The following POTEC variants were observed in gnomAD, a reference collection of about 807,000 sequenced individuals.
POTEC encodes ANKRD26-like family B member 2.
In POTEC, 35 loss-of-function variants were observed where a neutral mutation model predicts 62.0. That is an observed-to-expected ratio of 0.56 (90% CI 0.43 to 0.75). POTEC has a LOEUF of 0.75. POTEC is among the 30% of genes least tolerant of loss of function. The pLI, the probability that POTEC is intolerant of heterozygous loss-of-function variation, is 0.00. For synonymous variants in POTEC, 156 were observed against 221.5 expected (o/e 0.70, Z 2.62); for missense variants, 472 against 655.9 (o/e 0.72, Z 3.06).
chr18:14,529,126 T>TA (rs1910513785), intron 6 of POTEC: 1 of 397,132 alleles, frequency 2.5e-6, no homozygotes, highest in African/African-American at 2.1e-5. Context: ...TCATCACATA[T>TA]GTCTGGCACA....
rs192798718 is a variant in POTEC at position 14,525,003 on chromosome 18, T to C, written c.1127-20A>G. On this transcript the variant is annotated intron_variant, in intron 6 of 10. Coordinates refer to ENST00000358970, the MANE Select transcript of POTEC (RefSeq NM_001137671.2). ...CTTGTTCTGTTGAGAAATCCATATA[T>C]TCAGTTAAGATGAACCACTTAGAAC... 1.2e-3 allele frequency: 1,950 copies of C among 1,599,832 alleles called. 31 individuals carry two copies. In the African/African-American group the frequency reaches 0.024, roughly 19 times the overall value.
At chr18:14,528,742 A>C in intron 6 of POTEC, 1 of 328,458 alleles carries the variant, frequency 3.0e-6, no homozygotes, top group Non-Finnish European at 5.9e-6. Flanking sequence ...AGTCCAAAGC[A>C]TTGTACCTGG....
chr18:14,532,770 ACT>A (rs1054500241), intron 5 of POTEC, among the ~76,000 whole-genome samples: 2 of 151,656 alleles, frequency 1.3e-5, no homozygotes, highest in Non-Finnish European at 2.9e-5. Flanking sequence ...AAGATGTGAT[ACT>A]CTTTTTTATC....
intron 1 of POTEC, among the ~76,000 whole-genome samples, chr18:14,539,949 A>T (rs1285328717): frequency 6.6e-6 from 1 of 152,120 alleles, no homozygotes. Flanking sequence ...GACTAAACGG[A>T]TTGAAAGAAT....
At position 14,542,931 on chromosome 18, in the gene POTEC, G is replaced by A. The variant is rs1182972237; in HGVS notation, c.216C>T (p.Cys72=). Reference sequence around the variant, plus strand: ...CCACGTTGCTCGTGCCGCTCCCCCTGCAGCAGGGGAAGCAGTGGTGGCAAC... The same window carrying A: ...CCACGTTGCTCGTGCCGCTCCCCCTACAGCAGGGGAAGCAGTGGTGGCAAC... ...GKCCHHCFPC[C]RGSGTSNVGT... The change falls in exon 1 of 11, where the codon TGC becomes TGT. Residue 72 remains cysteine (C), a synonymous_variant. Transcript: ENST00000358970. 6.4e-7 allele frequency: 1 copy of A among 1,555,356 alleles called. No homozygotes were observed. Among genetic ancestry groups the A allele is most frequent in the East Asian group, 2.5e-5 (1 of 39,570 alleles).
intron 1 of POTEC, among the ~76,000 whole-genome samples, chr18:14,538,826 C>G (rs1201323655): frequency 6.6e-6 from 1 of 152,158 alleles, no homozygotes; most frequent in Non-Finnish European, 1.5e-5. Context: ...TTTAACATTT[C>G]TTACACGGAA....
chr18:14,528,500 G>A (rs1393138418), intron 6 of POTEC, among the ~76,000 whole-genome samples: 1 of 152,100 alleles, frequency 6.6e-6, no homozygotes, highest in Non-Finnish European at 1.5e-5. Context: ...ATGCTTCTAA[G>A]TTTTCTCCCT....
chr18:14,536,113 A>T (rs1905705083), intron 3 of POTEC, among the ~76,000 whole-genome samples: 1 of 151,728 alleles, frequency 6.6e-6, no homozygotes, highest in Admixed American at 6.6e-5. Context: ...TACTAAAAAA[A>T]AAATACAAAA....
intron 9 of POTEC, among the ~76,000 whole-genome samples, chr18:14,520,842 T>A (rs2143124724): frequency 6.6e-6 from 1 of 152,220 alleles, no homozygotes; most frequent in Middle Eastern, 3.4e-3. Flanking sequence ...GGGTGTGATG[T>A]TGCACACTTG....
At chr18:14,542,240 A>G (rs1458409002) in intron 1 of POTEC, among the ~76,000 whole-genome samples, 1 of 152,110 alleles carries the variant, frequency 6.6e-6, no homozygotes, top group East Asian at 1.9e-4. Context: ...ATTGGATTTT[A>G]TTTGAAAAAT....
chr18:14,515,133 G>A (rs2143110698), intron 9 of POTEC, among the ~76,000 whole-genome samples: 1 of 152,140 alleles, frequency 6.6e-6, no homozygotes, highest in East Asian at 1.9e-4. Context: ...AGTGCCCAAA[G>A]TAGTCTACAG....
intron 9 of POTEC, among the ~76,000 whole-genome samples, chr18:14,519,895 G>C (rs28579500): frequency 0.46 from 69,273 of 151,660 alleles, 17,788 homozygotes; most frequent in Non-Finnish European, 0.59. Context: ...TGAAGACGCC[G>C]TTAGGGAGGA....
intron 3 of POTEC, among the ~76,000 whole-genome samples, chr18:14,537,211 A>AAAAAAC (rs1905763072): frequency 3.7e-4 from 18 of 49,042 alleles, no homozygotes; most frequent in Middle Eastern, 0.011. Flanking sequence ...ACACACACAC[A>AAAAAAC]AAAAAAAAAA....
At position 14,524,904 on chromosome 18, in the gene POTEC, T is replaced by G; in HGVS notation, c.1197+9A>C. On this transcript the variant is annotated intron_variant, in intron 7 of 10. Transcript: ENST00000358970. ...TAAATCAAAAATTTAAATTTAAAATTTTCCATGCCTCTGGCTGGCTATTTT... is the reference window on the plus strand; with the variant it reads ...TAAATCAAAAATTTAAATTTAAAATGTTCCATGCCTCTGGCTGGCTATTTT... 1 of 1,605,338 alleles carries G rather than the reference T, an allele frequency of 6.2e-7. No homozygotes were observed. The highest frequency in any genetic ancestry group is 1.1e-5 in the South Asian group (1 of 89,850).
chr18:14,534,145 A>C (rs1567914482), intron 4 of POTEC, among the ~76,000 whole-genome samples: 5 of 135,372 alleles, frequency 3.7e-5, no homozygotes, highest in Admixed American at 1.7e-4. Flanking sequence ...TCATTGTTCA[A>C]TTCCCACCTA....
chr18:14,543,093 G>C lies in POTEC; in HGVS notation c.54C>G (p.Phe18Leu). Residue 18 changes from phenylalanine (F) to leucine (L), a missense_variant, in exon 1 of 11, where the codon TTC becomes TTG. Transcript: ENST00000358970. ...MPAASAVKKP[F>L]DLRSKMGKWF... ...ACTTGCCCATCTTGCTCCTGAGATCGAATGGCTTCTTCACAGCAGAGGCAG... is the reference window on the plus strand; with the variant it reads ...ACTTGCCCATCTTGCTCCTGAGATCCAATGGCTTCTTCACAGCAGAGGCAG... 6.2e-7 allele frequency: 1 copy of C among 1,613,960 alleles called. No homozygotes were observed. The highest frequency in any genetic ancestry group is 8.5e-7 in the Non-Finnish European group (1 of 1,179,870).
At position 14,542,728 on chromosome 18, in the gene POTEC, A is replaced by C; in HGVS notation, c.419T>G (p.Leu140Arg). ...CCAGGCAGCTCTGTGGAGCTTGTCC[A>C]GATCTTCTCGACGGACGTGGTACCT... The part of the protein sequence containing the change: ...EPRYHVRRED[L>R]DKLHRAAWWG... Residue 140 changes from leucine (L) to arginine (R), a missense_variant, in exon 1 of 11, where the codon CTG becomes CGG. Coordinates refer to ENST00000358970, the MANE Select transcript of POTEC (RefSeq NM_001137671.2). 1.9e-6 allele frequency: 3 copies of C among 1,613,274 alleles called. No individual in the cohort carries two copies. Among genetic ancestry groups the C allele is most frequent in the Non-Finnish European group, 2.5e-6 (3 of 1,179,864 alleles).
rs368540688 is a variant in POTEC, at chr18:14,542,799, G to A, written c.348C>T (p.Asn116=). Residue 116 remains asparagine (N), a synonymous_variant, in exon 1 of 11, where the codon AAC becomes AAT. Coordinates refer to ENST00000358970, the MANE Select transcript of POTEC (RefSeq NM_001137671.2). Reference sequence around the variant, plus strand: ...CGTCGTAGTCTCCCCAAGCGCCCACGTTGCTCTTGCCGCTCCCCCTGCAGC... The same window carrying A: ...CGTCGTAGTCTCCCCAAGCGCCCACATTGCTCTTGCCGCTCCCCCTGCAGC... The part of the protein sequence containing the change: ...FPCCRGSGKS[N]VGAWGDYDDS... The A allele has an allele frequency of 6.2e-7, 1 of 1,613,732 alleles. No homozygotes were observed. The highest frequency in any genetic ancestry group is 2.2e-5 in the East Asian group (1 of 44,860).
intron 4 of POTEC, among the ~76,000 whole-genome samples, chr18:14,533,570 G>T (rs1013004520): frequency 2.0e-5 from 3 of 152,028 alleles, no homozygotes; most frequent in Admixed American, 1.3e-4. Context: ...ATTAGCTAGG[G>T]GGTAAGATAA....
Sources: allele counts gnomAD v4.1 joint callset (sites outside exome capture counted in the v4.1 genomes callset), GRCh38; gene constraint gnomAD v4.1.1; transcripts MANE v1.5; gene names NCBI Gene and HGNC (gene_info 2026-07-23, HGNC 2026-07-21).